The following EP400 variants were observed in gnomAD, a reference collection of about 807,000 sequenced individuals.
EP400 encodes E1A binding protein p400, also known as E1A-binding protein p400.
Under a neutral mutation model 354.1 loss-of-function variants are expected in EP400, and 105 were observed. The observed-to-expected ratio is 0.30, with a 90% CI of 0.25 to 0.35. The LOEUF is 0.35. Among genes scored for constraint, EP400 ranks in the 10% least tolerant of loss-of-function variants. EP400 has a pLI of 1.00. For synonymous variants in EP400, 1,646 were observed against 1,716.9 expected (o/e 0.96, Z 1.02); for missense variants, 3,280 against 4,121.0 (o/e 0.80, Z 5.59).
At chr12:132,058,279 G>T (rs918807790) in intron 45 of EP400, among the ~76,000 whole-genome samples, 1 of 151,672 alleles carries the variant, frequency 6.6e-6, no homozygotes, top group Non-Finnish European at 1.5e-5. Flanking sequence ...TTATTGAGTG[G>T]CTTCTGTGTG....
chr12:132,071,683 G>T lies in EP400; in HGVS notation c.9021+2042G>T, dbSNP rs563972014. Among the ~76,000 whole-genome samples the T allele has an allele frequency of 2.6e-5, 4 of 152,218 alleles. No homozygotes were observed. The South Asian group carries it at 8.3e-4, about 32-fold the overall frequency. On this transcript the variant is annotated intron_variant, in intron 51 of 52. Transcript: ENST00000389561. ...TTGTGGTTGTGTGGGTGGGTCGGGG[G>T]TGTGGGGGTGTGGATGTCTTCTGCA... is the stretch of plus-strand genomic sequence containing the variant.
At chr12:131,963,390 T>G (rs1390976071) in intron 2 of EP400, 5 of 637,804 alleles carry the variant, frequency 7.8e-6, no homozygotes, top group Non-Finnish European at 1.4e-5. Flanking sequence ...GTCAGTTCAG[T>G]ATCCTTTCAC....
At chr12:131,966,903 CAAA>C (rs1179689543) in intron 2 of EP400, among the ~76,000 whole-genome samples, 8 of 57,830 alleles carry the variant, frequency 1.4e-4, no homozygotes, top group Admixed American at 4.3e-4. Flanking sequence ...AGACTTGTCT[CAAA>C]AAAAAAAAAA....
chr12:132,025,338 C>T lies in EP400; in HGVS notation c.4856-308C>T, dbSNP rs1052305250. Among the ~76,000 whole-genome samples, 6 of 152,068 alleles carry T rather than the reference C, an allele frequency of 3.9e-5. No individual in the cohort carries two copies. Among genetic ancestry groups the T allele is most frequent in the Admixed American group, 6.5e-5 (1 of 15,272 alleles). On this transcript the variant is annotated intron_variant, in intron 24 of 52. Coordinates refer to ENST00000389561, the MANE Select transcript of EP400 (RefSeq NM_015409.5). This position sits in a 1 kb window ranked among gnomAD's most constrained non-coding sequence, Gnocchi z 4.1. ...GCTGTGATCTGGGAGTGGGGATGTC[C>T]GCCTCAGTACCTCGAACAGCATGGC...
intron 12 of EP400, among the ~76,000 whole-genome samples, chr12:132,001,243 A>C (rs968350335): frequency 6.6e-6 from 1 of 152,096 alleles, no homozygotes; most frequent in African/African-American, 2.4e-5. Flanking sequence ...GATACAAAGC[A>C]AAAGGGGCAG....
chr12:132,034,597 C>G (rs1894631100), intron 30 of EP400, among the ~76,000 whole-genome samples: 1 of 152,188 alleles, frequency 6.6e-6, no homozygotes, highest in Admixed American at 6.5e-5. Context: ...AACCCCCAAA[C>G]TGCATAAGGG....
chr12:131,965,282 G>A (rs1892037981), intron 2 of EP400, among the ~76,000 whole-genome samples: 1 of 152,090 alleles, frequency 6.6e-6, no homozygotes. Context: ...GAGTAATTTG[G>A]GGGAAGATAC....
rs765832602 is a variant in EP400, at chr12:132,029,819, G to C, written c.5500G>C (p.Ala1834Pro). 1 of 1,613,420 alleles carries C rather than the reference G, an allele frequency of 6.2e-7. No homozygotes were observed. Among genetic ancestry groups the C allele is most frequent in the Non-Finnish European group, 8.5e-7 (1 of 1,180,034 alleles). Residue 1834 changes from alanine (A) to proline (P), a missense_variant, in exon 28 of 53, where the codon GCG becomes CCG. By Grantham distance (27) the Ala-to-Pro change is conservative (BLOSUM62 -1). Coordinates refer to ENST00000389561, the MANE Select transcript of EP400 (RefSeq NM_015409.5). This position sits in a 1 kb window ranked among gnomAD's most constrained non-coding sequence, Gnocchi z 4.7. ...GAGGCAGGGCCTGAGAGAGCACGCT[G>C]CGCCGTACTTCCAGCAGCTGCGGCA... ...ILRQGLREHA[A>P]PYFQQLRQTT...
chr12:131,952,734 G>C (rs896904038), intron 1 of EP400, among the ~76,000 whole-genome samples: 1 of 152,184 alleles, frequency 6.6e-6, no homozygotes, highest in African/African-American at 2.4e-5. Flanking sequence ...TTACAGGTTT[G>C]AGACACTGTT....
chr12:132,013,676 T>C lies in EP400; in HGVS notation c.3786+12T>C. 1.2e-6 allele frequency: 2 copies of C among 1,605,720 alleles called. No individual in the cohort carries two copies. On this transcript the variant is annotated intron_variant, in intron 18 of 52. Transcript: ENST00000389561. This position sits in a 1 kb window ranked among gnomAD's most constrained non-coding sequence, Gnocchi z 4.5. ...TAAGGTTACACAGGGTAGGTTGGGTTCTGCCATTTCAGTTAATTAATTAAA... is the reference window on the plus strand; with the variant it reads ...TAAGGTTACACAGGGTAGGTTGGGTCCTGCCATTTCAGTTAATTAATTAAA...
Position 132,027,280 on chromosome 12 carries a change from G to A in EP400, c.5015-157G>A, listed in dbSNP as rs116409438. On this transcript the variant is annotated intron_variant, in intron 25 of 52. Coordinates refer to ENST00000389561, the MANE Select transcript of EP400 (RefSeq NM_015409.5). The surrounding 1 kb of genome is among the most constrained non-coding windows in gnomAD (Gnocchi z 4.9). ...TTGAGCCCATGCACATTCCAGGCAT[G>A]TGCTGGTGGAGGATGAGGACTTGGG... Among the ~76,000 whole-genome samples, 2,216 of 152,358 alleles carry A rather than the reference G, an allele frequency of 0.015. 49 individuals are homozygous for A. Among genetic ancestry groups the A allele is most frequent in the African/African-American group, 0.051 (2,110 of 41,582 alleles).
At chr12:131,955,556 A>G (rs1891667330) in intron 1 of EP400, among the ~76,000 whole-genome samples, 1 of 152,116 alleles carries the variant, frequency 6.6e-6, no homozygotes, top group Non-Finnish European at 1.5e-5. Flanking sequence ...TGTTGGGATT[A>G]CGGGCGTGAG....
At chr12:132,044,425 T>G in intron 35 of EP400, 114 bp downstream of exon 35, 1 of 1,407,034 alleles carries the variant, frequency 7.1e-7, no homozygotes, top group Non-Finnish European at 9.5e-7. Flanking sequence ...TGCCTAGGAA[T>G]TTTTACTTCT....
chr12:132,010,268 G>A (rs1391323688), intron 15 of EP400, among the ~76,000 whole-genome samples: 3 of 151,936 alleles, frequency 2.0e-5, no homozygotes, highest in African/African-American at 7.3e-5. Flanking sequence ...TGTATTTTTA[G>A]TAGAGACAGG....
chr12:132,029,812 G>A lies in EP400; in HGVS notation c.5493G>A (p.Glu1831=), dbSNP rs770218371. The A allele has an allele frequency of 3.1e-6, 5 of 1,613,486 alleles. No individual in the cohort carries two copies. The highest frequency in any genetic ancestry group is 4.2e-6 in the Non-Finnish European group (5 of 1,180,044). Reference sequence around the variant, plus strand: ...GGATCTTGAGGCAGGGCCTGAGAGAGCACGCTGCGCCGTACTTCCAGCAGC... The same window carrying A: ...GGATCTTGAGGCAGGGCCTGAGAGAACACGCTGCGCCGTACTTCCAGCAGC... ...RMRILRQGLR[E]HAAPYFQQLR... is the part of the protein sequence containing the mutation. Residue 1831 remains glutamate (E), a synonymous_variant, in exon 28 of 53, where the codon GAG becomes GAA. Transcript: ENST00000389561. This position sits in a 1 kb window ranked among gnomAD's most constrained non-coding sequence, Gnocchi z 4.7.
rs1344199291 is a variant in EP400 at position 132,070,775 on chromosome 12, T to C, written c.9021+1134T>C. 2.0e-5 allele frequency among the ~76,000 whole-genome samples: 3 copies of C among 152,270 alleles called. No homozygotes were observed. Among genetic ancestry groups the C allele is most frequent in the South Asian group, 2.1e-4 (1 of 4,834 alleles). On this transcript the variant is annotated intron_variant, in intron 51 of 52. Transcript: ENST00000389561. This position sits in a 1 kb window ranked among gnomAD's most constrained non-coding sequence, Gnocchi z 4.1. Reference sequence around the variant, plus strand: ...TTTCTAATATTTTGTGAAAGTGTTATAGATTATGTTAGTTTTATTCTTAAG... The same window carrying C: ...TTTCTAATATTTTGTGAAAGTGTTACAGATTATGTTAGTTTTATTCTTAAG...
chr12:132,064,981 G>A, intron 48 of EP400, 95 bp downstream of exon 48: 1 of 1,497,998 alleles, frequency 6.7e-7, no homozygotes, highest in Non-Finnish European at 8.9e-7. Context: ...ACGTGTTACA[G>A]GAGTGAGTGT....
Position 131,960,827 on chromosome 12 carries a change from C to A in EP400, c.208C>A (p.Gln70Lys). The change falls in exon 2 of 53, where the codon CAG becomes AAG. Residue 70 changes from glutamine to lysine, a missense_variant. Gln to Lys is a moderately conservative substitution (Grantham distance 53). Transcript: ENST00000389561. Reference sequence around the variant, plus strand: ...GATGAATAGGAGCCCTGCAACCGGGCAGAACGTGAACATCACCCTGCAGAG... The same window carrying A: ...GATGAATAGGAGCCCTGCAACCGGGAAGAACGTGAACATCACCCTGCAGAG... ...QLMNRSPATG[Q>K]NVNITLQSVG... 1 of 1,613,804 alleles carries A rather than the reference C, an allele frequency of 6.2e-7. No homozygotes were observed. Among genetic ancestry groups the A allele is most frequent in the Non-Finnish European group, 8.5e-7 (1 of 1,179,990 alleles).
chr12:131,987,633 T>C, intron 6 of EP400, 72 bp from the exon 7 acceptor site: 2 of 1,397,582 alleles, frequency 1.4e-6, no homozygotes, highest in Non-Finnish European at 1.9e-6. Context: ...GGGCTTCAAA[T>C]TTCTGGGGTC....
Sources: allele counts gnomAD v4.1 joint callset (sites outside exome capture counted in the v4.1 genomes callset), GRCh38; gene constraint gnomAD v4.1.1; non-coding constraint Gnocchi (gnomAD v3.1); transcripts MANE v1.5; gene names NCBI Gene and HGNC (gene_info 2026-07-23, HGNC 2026-07-21).